The following TLN2 variants were observed in gnomAD, a reference collection of about 807,000 sequenced individuals.
TLN2 encodes talin 2.
Under a neutral mutation model 294.7 loss-of-function variants are expected in TLN2, and 118 were observed. The ratio of observed to expected loss-of-function variants is 0.40; its 90% CI spans 0.34 to 0.47. TLN2 has a LOEUF of 0.47. Among genes scored for constraint, TLN2 ranks in the 20% least tolerant of loss-of-function variants. The pLI, the probability that TLN2 is intolerant of heterozygous loss-of-function variation, is 0.84. For synonymous variants in TLN2, 1,431 were observed against 1,304.5 expected (o/e 1.10, Z -2.09); for missense variants, 3,083 against 3,282.2 (o/e 0.94, Z 1.48).
intron 41 of TLN2, 33 bp from the exon 42 acceptor site, chr15:62,770,931 T>C: frequency 1.3e-6 from 2 of 1,584,858 alleles, no homozygotes; most frequent in Non-Finnish European, 1.7e-6. Flanking sequence ...ATTTACATGA[T>C]ACATCTCTGG....
chr15:62,673,883 T>C lies in TLN2; in HGVS notation c.845T>C (p.Ile282Thr), dbSNP rs775724497. The change falls in exon 10 of 59, where the codon ATC (isoleucine) becomes ACC (threonine). Residue 282 changes from isoleucine to threonine, a missense_variant. Physicochemically the swap from Ile to Thr is moderately conservative, Grantham distance 89. Coordinates refer to ENST00000636159, the MANE Select transcript of TLN2 (RefSeq NM_015059.3). ...AAGCAGAGAGGAGCTGAAAAGAGGA[T>C]CTTTCAGGTATTGGAAATGTACAGA... ...YIKQRGAEKR[I>T]FQEHKNCGEM... 6.2e-7 allele frequency: 1 copy of C among 1,612,780 alleles called. No homozygotes were observed. The highest frequency in any genetic ancestry group is 8.5e-7 in the Non-Finnish European group (1 of 1,179,042).
chr15:62,803,981 G>A (rs762889368), intron 50 of TLN2, among the ~76,000 whole-genome samples: 61 of 152,194 alleles, frequency 4.0e-4, no homozygotes, highest in Non-Finnish European at 7.9e-4. Flanking sequence ...GATCTAAGCC[G>A]TATCTGCATC....
Position 62,802,155 on chromosome 15 carries a change from C to T in TLN2, c.6477+1386C>T, listed in dbSNP as rs116467750. On this transcript the variant is annotated intron_variant, in intron 50 of 58. Transcript: ENST00000636159. ...AGCCTCTGGCAACGATCCTTCTACC[C>T]TCTATCTCCATGAGTTCAATTATTT... Among the ~76,000 whole-genome samples, 890 of 152,202 alleles carry T rather than the reference C, an allele frequency of 5.8e-3. 11 individuals carry two copies. The highest frequency in any genetic ancestry group is 0.019 in the African/African-American group (809 of 41,524).
At chr15:62,725,876 C>T (rs530156022) in intron 27 of TLN2, among the ~76,000 whole-genome samples, 16 of 152,220 alleles carry the variant, frequency 1.1e-4, no homozygotes, top group African/African-American at 1.9e-4. Flanking sequence ...GCTCTTTGAA[C>T]GAACTGAAGA....
chr15:62,757,786 CAAGAGG>C (rs1282626789), intron 37 of TLN2, among the ~76,000 whole-genome samples: 1 of 152,106 alleles, frequency 6.6e-6, no homozygotes, highest in African/African-American at 2.4e-5. Flanking sequence ...AGGAGCAATG[CAAGAGG>C]AACAGAAATG....
At chr15:62,434,356 C>T (rs2035178993) in intron 1 of TLN2, among the ~76,000 whole-genome samples, 1 of 152,096 alleles carries the variant, frequency 6.6e-6, no homozygotes, top group African/African-American at 2.4e-5. Flanking sequence ...ATAGAATAGC[C>T]TCATTCTTTT....
At chr15:62,421,609 G>C (rs564005748) in intron 1 of TLN2, among the ~76,000 whole-genome samples, 1 of 151,934 alleles carries the variant, frequency 6.6e-6, no homozygotes, top group East Asian at 2.0e-4. Flanking sequence ...TCACTTATAA[G>C]TGGGGACTAA....
At chr15:62,482,677 T>G (rs2038170753) in intron 1 of TLN2, among the ~76,000 whole-genome samples, 1 of 151,812 alleles carries the variant, frequency 6.6e-6, no homozygotes, top group South Asian at 2.1e-4. Context: ...CAGAATGTTA[T>G]TAATCTTTAA....
At position 62,781,766 on chromosome 15, in the gene TLN2, C is replaced by T. The variant is rs565711986; in HGVS notation, c.5616+525C>T. Reference sequence around the variant, plus strand: ...TTATGTAATAAGAAAAAAAAAATTCCGACAGTAGAAGGCATACAACTTTTG... The same window carrying T: ...TTATGTAATAAGAAAAAAAAAATTCTGACAGTAGAAGGCATACAACTTTTG... On this transcript the variant is annotated intron_variant, in intron 44 of 58. Coordinates refer to ENST00000636159, the MANE Select transcript of TLN2 (RefSeq NM_015059.3). 3.3e-5 allele frequency among the ~76,000 whole-genome samples: 5 copies of T among 152,034 alleles called. No homozygotes were observed. The East Asian group carries it at 7.7e-4, about 23-fold the overall frequency.
chr15:62,482,270 G>C (rs892680045), intron 1 of TLN2, among the ~76,000 whole-genome samples: 1 of 152,084 alleles, frequency 6.6e-6, no homozygotes, highest in Non-Finnish European at 1.5e-5. Flanking sequence ...GAATTTCAAG[G>C]TCAAAGGATA....
chr15:62,660,735 A>G (rs1210485699), intron 9 of TLN2, among the ~76,000 whole-genome samples: 1 of 152,166 alleles, frequency 6.6e-6, no homozygotes, highest in Non-Finnish European at 1.5e-5. Context: ...TTTTTCTTTA[A>G]CTCATTGAGA....
intron 42 of TLN2, among the ~76,000 whole-genome samples, chr15:62,775,573 T>A (rs967929711): frequency 6.6e-6 from 1 of 152,258 alleles, no homozygotes; most frequent in Non-Finnish European, 1.5e-5. Flanking sequence ...TCTTGCTTCC[T>A]ATGGCTTTTC....
intron 1 of TLN2, among the ~76,000 whole-genome samples, chr15:62,558,469 T>C (rs2140581294): frequency 6.6e-6 from 1 of 152,280 alleles, no homozygotes; most frequent in South Asian, 2.1e-4. Flanking sequence ...AGAAGAAAAA[T>C]CATTTTCTTC....
At chr15:62,465,533 G>T (rs2037084627) in intron 1 of TLN2, among the ~76,000 whole-genome samples, 2 of 152,196 alleles carry the variant, frequency 1.3e-5, no homozygotes, top group Admixed American at 1.3e-4. Context: ...ATCGGGTTAT[G>T]TGTGGAGGGG....
intron 1 of TLN2, among the ~76,000 whole-genome samples, chr15:62,554,501 C>T (rs1448929420): frequency 1.3e-5 from 2 of 151,520 alleles, no homozygotes; most frequent in Non-Finnish European, 2.9e-5. Context: ...TTTTGACTGA[C>T]AGAAAAACTC....
Position 62,762,335 on chromosome 15 carries a change from C to T in TLN2, c.4843C>T (p.Leu1615Phe), listed in dbSNP as rs768194205. 11 of 1,614,208 alleles carry T rather than the reference C, an allele frequency of 6.8e-6. No homozygotes were observed. In the South Asian group the frequency reaches 8.8e-5, roughly 13 times the overall value. The change falls in exon 39 of 59, where the codon CTC (leucine) becomes TTC (phenylalanine). Residue 1615 changes from leucine (L) to phenylalanine (F), a missense_variant. Coordinates refer to ENST00000636159, the MANE Select transcript of TLN2 (RefSeq NM_015059.3). ...GACCATGCTGGAGAGTTCATCGTAC[C>T]TCATTCGCACTGCACGCTCTCTGGC... ...AKTMLESSSY[L>F]IRTARSLAIN...
chr15:62,798,762 C>A (rs902558135), intron 48 of TLN2, among the ~76,000 whole-genome samples: 16 of 152,226 alleles, frequency 1.1e-4, no homozygotes, highest in African/African-American at 3.9e-4. Flanking sequence ...CATGACACTT[C>A]CCTCCCTGAC....
intron 52 of TLN2, among the ~76,000 whole-genome samples, chr15:62,814,033 C>G (rs1379907419): frequency 1.3e-5 from 2 of 152,052 alleles, no homozygotes; most frequent in Non-Finnish European, 2.9e-5. Context: ...AGGCTGGTCC[C>G]CTAACCTCAG....
At chr15:62,788,805 C>T (rs1434130747) in intron 45 of TLN2, among the ~76,000 whole-genome samples, 4 of 152,216 alleles carry the variant, frequency 2.6e-5, no homozygotes, top group Admixed American at 6.5e-5. Context: ...CAGCAGTACA[C>T]ATTCATATGG....
Sources: allele counts gnomAD v4.1 joint callset (sites outside exome capture counted in the v4.1 genomes callset), GRCh38; gene constraint gnomAD v4.1.1; transcripts MANE v1.5; gene names NCBI Gene and HGNC (gene_info 2026-07-23, HGNC 2026-07-21).